The following RFESD variants were observed in gnomAD, a reference collection of about 807,000 sequenced individuals.
RFESD encodes Rieske domain-containing protein.
RFESD carries 16 observed loss-of-function variants against 24.4 expected under a neutral mutation model. The ratio of observed to expected loss-of-function variants is 0.66; its 90% CI spans 0.44 to 1.00. RFESD has a LOEUF of 1.00. Among genes scored for constraint, RFESD ranks in the 50% least tolerant of loss-of-function variants. The pLI is 0.00. For synonymous variants in RFESD, 59 were observed against 81.8 expected (o/e 0.72, Z 1.50); for missense variants, 208 against 247.0 (o/e 0.84, Z 1.06).
At position 95,656,402 on chromosome 5, in the gene RFESD, A is replaced by G. The variant is rs1331187183; in HGVS notation, c.*93A>G. 3.1e-6 allele frequency: 3 copies of G among 960,054 alleles called. No homozygotes were observed. Among genetic ancestry groups the G allele is most frequent in the East Asian group, 2.5e-5 (1 of 40,438 alleles). The allele number at this position is 960,054 out of a possible 1,614,324, so 59.5% of individuals were successfully genotyped here. A position where few individuals can be genotyped will look rare whatever the true frequency, so the allele number is the denominator to read the frequency against. ...GTTTTAAAGGTGATGAAATTTTTCA[A>G]CATAGGCACAACTGTTTAAAATTCA... is the stretch of plus-strand genomic sequence containing the variant. On this transcript the variant is annotated 3_prime_UTR_variant, in exon 6 of 6. Coordinates refer to ENST00000380005, the MANE Select transcript of RFESD (RefSeq NM_001131066.2).
intron 1 of RFESD, among the ~76,000 whole-genome samples, chr5:95,649,506 A>G (rs1330905222): frequency 1.3e-5 from 2 of 152,220 alleles, no homozygotes; most frequent in African/African-American, 4.8e-5. Flanking sequence ...GCATATACCC[A>G]AAGTGGGATT....
intron 2 of RFESD, chr5:95,652,636 C>A: frequency 3.2e-6 from 1 of 309,052 alleles, no homozygotes; most frequent in Admixed American, 4.5e-5. Context: ...GTTCATCAAC[C>A]CAACTTCTCT....
intron 1 of RFESD, chr5:95,647,158 C>G (rs1238304733): frequency 6.6e-6 from 1 of 152,220 alleles, no homozygotes. Context: ...CAGCCCCGGC[C>G]GTCCTGGAGA....
intron 1 of RFESD, among the ~76,000 whole-genome samples, chr5:95,650,752 A>G (rs1481057882): frequency 1.3e-5 from 2 of 152,170 alleles, no homozygotes; most frequent in Non-Finnish European, 2.9e-5. Context: ...ACTGGCCCAT[A>G]GTGTGTAACC....
chr5:95,648,528 A>G (rs979394663), intron 1 of RFESD, among the ~76,000 whole-genome samples: 4 of 152,228 alleles, frequency 2.6e-5, no homozygotes, highest in African/African-American at 9.7e-5. Context: ...AGTAAGAATA[A>G]TATGGGTGTT....
chr5:95,651,403 A>T (rs1750330979), intron 1 of RFESD, among the ~76,000 whole-genome samples: 1 of 152,088 alleles, frequency 6.6e-6, no homozygotes, highest in Non-Finnish European at 1.5e-5. Flanking sequence ...TTTTTAAAAA[A>T]ATATTTTTAG....
Position 95,652,229 on chromosome 5 carries a change from C to T in RFESD, c.-43C>T. 6.5e-7 allele frequency: 1 copy of T among 1,538,484 alleles called. No homozygotes were observed. The highest frequency in any genetic ancestry group is 8.8e-7 in the Non-Finnish European group (1 of 1,138,632). ...GATTAGCAATAGATTGGACACTCTACTGATCTTGCCTCTCTACAACCTCTC... is the reference window on the plus strand; with the variant it reads ...GATTAGCAATAGATTGGACACTCTATTGATCTTGCCTCTCTACAACCTCTC... On this transcript the variant is annotated 5_prime_UTR_variant, in exon 2 of 6. Coordinates refer to ENST00000380005, the MANE Select transcript of RFESD (RefSeq NM_001131066.2).
intron 5 of RFESD, chr5:95,655,426 C>G (rs1430384298): frequency 1.3e-5 from 2 of 152,134 alleles, no homozygotes; most frequent in Non-Finnish European, 2.9e-5. Context: ...GTCCATAGAC[C>G]AGCAACTTTG....
At chr5:95,652,716 C>A in intron 2 of RFESD, 1 of 233,456 alleles carries the variant, frequency 4.3e-6, no homozygotes, top group Non-Finnish European at 8.2e-6. Context: ...ATAAATGTAG[C>A]CTTTGAATAG....
Position 95,654,147 on chromosome 5 carries a change from C to T in RFESD, c.245C>T (p.Ser82Phe). The change falls in exon 4 of 6, where the codon TCT becomes TTT. Residue 82 changes from serine (S) to phenylalanine (F), a missense_variant. Transcript: ENST00000380005. ...CVGREDDIKK[S>F]ERMTAVVHDR... ...GGCAGAGAAGATGACATTAAAAAAT[C>T]TGAAAGAATGACAGCTGTTGTCCAT... The T allele has an allele frequency of 1.2e-6, 2 of 1,612,272 alleles. No homozygotes were observed. The highest frequency in any genetic ancestry group is 1.7e-6 in the Non-Finnish European group (2 of 1,179,586).
At chr5:95,649,140 GA>G (rs1580254180) in intron 1 of RFESD, among the ~76,000 whole-genome samples, 1 of 151,828 alleles carries the variant, frequency 6.6e-6, no homozygotes, top group East Asian at 1.9e-4. Context: ...TTAATTATAA[GA>G]AAAAAGTAAA....
At chr5:95,652,705 A>T (rs1750424623) in intron 2 of RFESD, 1 of 234,818 alleles carries the variant, frequency 4.3e-6, no homozygotes, top group South Asian at 1.3e-4. Flanking sequence ...GGAGTTAATA[A>T]ATAAATGTAG....
intron 1 of RFESD, among the ~76,000 whole-genome samples, chr5:95,649,103 A>G (rs980594924): frequency 3.3e-5 from 5 of 151,156 alleles, no homozygotes; most frequent in Admixed American, 2.0e-4. Flanking sequence ...ACATTAGGAT[A>G]CAACTTAAAT....
At chr5:95,649,410 G>A (rs186301772) in intron 1 of RFESD, among the ~76,000 whole-genome samples, 85 of 152,260 alleles carry the variant, frequency 5.6e-4, no homozygotes, top group Middle Eastern at 3.4e-3. Context: ...CCATTCTACT[G>A]TTGATGGGTT....
chr5:95,653,352 G>A, intron 3 of RFESD, 138 bp downstream of exon 3: 1 of 1,209,166 alleles, frequency 8.3e-7, no homozygotes, highest in East Asian at 2.6e-5. Flanking sequence ...AGACTATTCA[G>A]ACAATCAAAG....
chr5:95,649,279 A>G (rs1283901568), intron 1 of RFESD, among the ~76,000 whole-genome samples: 1 of 152,156 alleles, frequency 6.6e-6, no homozygotes, highest in African/African-American at 2.4e-5. Flanking sequence ...ACGGAAACAT[A>G]CTCTGAATTC....
Position 95,651,741 on chromosome 5 carries a change from C to G in RFESD, c.-135-396C>G, listed in dbSNP as rs187966181. 4.1e-3 allele frequency among the ~76,000 whole-genome samples: 620 copies of G among 152,186 alleles called. 7 individuals are homozygous for G. Among genetic ancestry groups the G allele is most frequent in the South Asian group, 9.3e-3 (45 of 4,828 alleles). ...AGGATCAAACCTATAATCCTTAAGCCTGTTCCTAAAAATAATATTGAGATA... is the reference window on the plus strand; with the variant it reads ...AGGATCAAACCTATAATCCTTAAGCGTGTTCCTAAAAATAATATTGAGATA... On this transcript the variant is annotated intron_variant, in intron 1 of 5. Transcript: ENST00000380005.
intron 5 of RFESD, among the ~76,000 whole-genome samples, chr5:95,654,814 ATC>A (rs1484352432): frequency 6.6e-6 from 1 of 152,122 alleles, no homozygotes; most frequent in Non-Finnish European, 1.5e-5. Context: ...GTCTTATGAG[ATC>A]TCTTTTTTCA....
In RFESD at chr5:95,657,461, A is replaced by G. The variant is rs889679378; in HGVS notation, c.*1152A>G. ...GACCAGAAATAGCTAAAATGAGTAGATGATGAATTCAGAGTGAGAAGAACT... is the reference window on the plus strand; with the variant it reads ...GACCAGAAATAGCTAAAATGAGTAGGTGATGAATTCAGAGTGAGAAGAACT... On this transcript the variant is annotated 3_prime_UTR_variant, in exon 6 of 6. Coordinates refer to ENST00000380005, the MANE Select transcript of RFESD (RefSeq NM_001131066.2). 3.3e-5 allele frequency: 5 copies of G among 151,966 alleles called. No individual in the cohort carries two copies. The highest frequency in any genetic ancestry group is 7.4e-5 in the Non-Finnish European group (5 of 67,960). The allele number at this position is 151,966 out of a possible 1,614,324, so 9.4% of individuals were successfully genotyped here.
Sources: allele counts gnomAD v4.1 joint callset (sites outside exome capture counted in the v4.1 genomes callset), GRCh38; gene constraint gnomAD v4.1.1; transcripts MANE v1.5; gene names NCBI Gene and HGNC (gene_info 2026-07-23, HGNC 2026-07-21).